LETM1: variants seen among roughly 807,000 people sequenced by gnomAD.
The protein encoded by LETM1 is mitochondrial proton/calcium exchanger protein.
LETM1 carries 50 observed loss-of-function variants against 74.5 expected under a neutral mutation model. The observed-to-expected ratio is 0.67, with a 90% CI of 0.53 to 0.85. The LOEUF (loss-of-function observed/expected upper bound fraction) is 0.85. Ranked by LOEUF, LETM1 falls within the 40% of genes least tolerant of loss-of-function variation. LETM1 has a pLI of 0.00. For missense variants in LETM1, 824 were observed against 967.8 expected (o/e 0.85, Z 1.97); for synonymous variants, 446 against 407.1 (o/e 1.10, Z -1.15).
intron 4 of LETM1, among the ~76,000 whole-genome samples, chr4:1,835,854 G>C (rs1320086733): frequency 1.3e-5 from 2 of 152,128 alleles, no homozygotes; most frequent in Non-Finnish European, 2.9e-5. Context: ...ATGGCAAGAG[G>C]ATTACTTGTG....
intron 1 of LETM1, among the ~76,000 whole-genome samples, chr4:1,855,421 A>G (rs538751498): frequency 6.6e-6 from 1 of 152,122 alleles, no homozygotes; most frequent in African/African-American, 2.4e-5. Context: ...GCATCACCTC[A>G]TCAGTGACGG....
chr4:1,845,557 T>TC (rs1482456592), intron 2 of LETM1, among the ~76,000 whole-genome samples: 1 of 151,278 alleles, frequency 6.6e-6, no homozygotes, highest in Non-Finnish European at 1.5e-5. Flanking sequence ...TTTCTTTTTT[T>TC]TTTTTTTCGA....
intron 10 of LETM1, among the ~76,000 whole-genome samples, chr4:1,820,816 G>A (rs1261717391): frequency 6.6e-6 from 1 of 152,208 alleles, no homozygotes; most frequent in African/African-American, 2.4e-5. Context: ...TTGAGGTCAG[G>A]AGTTCGAGAC....
chr4:1,828,229 AC>A (rs1712083520), intron 6 of LETM1, among the ~76,000 whole-genome samples: 1 of 71,146 alleles, frequency 1.4e-5, no homozygotes, highest in Non-Finnish European at 2.7e-5. Context: ...GGGGGGGCTG[AC>A]CGCCCCCCAC....
chr4:1,817,796 G>C (rs1711626354), intron 11 of LETM1, among the ~76,000 whole-genome samples: 1 of 152,050 alleles, frequency 6.6e-6, no homozygotes, highest in African/African-American at 2.4e-5. Context: ...TTTTGAGATA[G>C]GGTCTTGCTC....
At position 1,835,111 on chromosome 4, in the gene LETM1, G is replaced by T; in HGVS notation, c.739-129C>A. ...ACAACACACTGACTCTCATCTAAGT[G>T]CAATACATTCTCAAACTCTTTTATT... is the stretch of plus-strand genomic sequence containing the variant. On this transcript the variant is annotated intron_variant, in intron 4 of 13. Coordinates refer to ENST00000302787, the MANE Select transcript of LETM1 (RefSeq NM_012318.3). 4.7e-6 allele frequency: 4 copies of T among 842,972 alleles called. No homozygotes were observed. In the South Asian group the frequency reaches 5.2e-5, roughly 11 times the overall value. The allele number at this position is 842,972 out of a possible 1,614,324, so 52.2% of individuals were successfully genotyped here.
chr4:1,836,387 TCA>T lies in LETM1; in HGVS notation c.738+40_738+41del. On this transcript the variant is annotated intron_variant, in intron 4 of 13. Transcript: ENST00000302787. This position sits in a 1 kb window ranked among gnomAD's most constrained non-coding sequence, Gnocchi z 5.8. ...AACAAGGAAGCCATCACAATGAATTTCAGACTCATTCTAAAACAAGCAGTTGG... is the reference window on the plus strand; with the variant it reads ...AACAAGGAAGCCATCACAATGAATTTGACTCATTCTAAAACAAGCAGTTGG... The T allele has an allele frequency of 6.2e-7, 1 of 1,606,026 alleles. No homozygotes were observed. The highest frequency in any genetic ancestry group is 1.1e-5 in the South Asian group (1 of 90,876).
intron 7 of LETM1, among the ~76,000 whole-genome samples, chr4:1,824,555 C>T (rs1052357265): frequency 3.3e-5 from 5 of 152,208 alleles, no homozygotes; most frequent in Non-Finnish European, 5.9e-5. Flanking sequence ...AGAAAGGCAA[C>T]GCTGAGGAGA....
intron 2 of LETM1, among the ~76,000 whole-genome samples, chr4:1,848,643 G>A (rs1239294013): frequency 6.7e-6 from 1 of 148,652 alleles, no homozygotes; most frequent in Non-Finnish European, 1.5e-5. Flanking sequence ...TTGAACCTGG[G>A]AGGCGGAGGT....
intron 13 of LETM1, 115 bp from the exon 14 acceptor site, chr4:1,814,688 A>G: frequency 1.2e-6 from 1 of 827,570 alleles, no homozygotes; most frequent in South Asian, 1.5e-5. Flanking sequence ...CATGCACGCA[A>G]TCACTGCCTG....
In LETM1 at chr4:1,834,998, G is replaced by A. The variant is rs778135750; in HGVS notation, c.739-16C>T. 2.5e-6 allele frequency: 4 copies of A among 1,612,464 alleles called. No individual in the cohort carries two copies. The highest frequency in any genetic ancestry group is 3.4e-6 in the Non-Finnish European group (4 of 1,179,154). On this transcript the variant is annotated splice_polypyrimidine_tract_variant and intron_variant, in intron 4 of 13. Coordinates refer to ENST00000302787, the MANE Select transcript of LETM1 (RefSeq NM_012318.3). This position sits in a 1 kb window ranked among gnomAD's most constrained non-coding sequence, Gnocchi z 5.0. ...GCCTCTCCTCCTGCAAGGGCAGAGA[G>A]GGCACTGCATTCCAACTGCTCAGAC...
chr4:1,832,976 C>T (rs988964093), intron 5 of LETM1, 29 bp from the exon 6 acceptor site: 22 of 1,606,858 alleles, frequency 1.4e-5, no homozygotes, highest in African/African-American at 2.7e-5. Context: ...GGGTCATCCC[C>T]GGGACACGCG....
Position 1,814,273 on chromosome 4 carries a change from G to A in LETM1, c.*151C>T, listed in dbSNP as rs559907558. On this transcript the variant is annotated 3_prime_UTR_variant, in exon 14 of 14. Coordinates refer to ENST00000302787, the MANE Select transcript of LETM1 (RefSeq NM_012318.3). ...ACAGACTGAATCTCCGTGGAATGAT[G>A]AAAATTAAAATTTACTTGATTATGG... 6.4e-5 allele frequency: 79 copies of A among 1,241,260 alleles called. No homozygotes were observed. Among genetic ancestry groups the A allele is most frequent in the African/African-American group, 5.4e-4 (36 of 66,862 alleles). The allele number at this position is 1,241,260 out of a possible 1,614,324, so 76.9% of individuals were successfully genotyped here. A position where few individuals can be genotyped will look rare whatever the true frequency, so the allele number is the denominator to read the frequency against.
chr4:1,849,156 T>G lies in LETM1; in HGVS notation c.136A>C (p.Asn46His), dbSNP rs769325332. 6.2e-7 allele frequency: 1 copy of G among 1,612,006 alleles called. No individual in the cohort carries two copies. The highest frequency in any genetic ancestry group is 8.5e-7 in the Non-Finnish European group (1 of 1,177,998). ...LSCASTLGLRNCLNVPFGCCT... is the reference protein window; with the variant it reads ...LSCASTLGLRHCLNVPFGCCT... Reference sequence around the variant, plus strand: ...TGATACTGATTTACTCACAGGCAGTTCCTCAACCCCAGGGTGCTGGCACAG... The same window carrying G: ...TGATACTGATTTACTCACAGGCAGTGCCTCAACCCCAGGGTGCTGGCACAG... Residue 46 changes from asparagine to histidine, a missense_variant, in exon 2 of 14, where the codon AAC becomes CAC. Asn to His is a moderately conservative substitution (Grantham distance 68). Coordinates refer to ENST00000302787, the MANE Select transcript of LETM1 (RefSeq NM_012318.3).
Position 1,841,637 on chromosome 4 carries a change from A to C in LETM1, c.304T>G (p.Cys102Gly), listed in dbSNP as rs560933887. The change falls in exon 3 of 14, where the codon TGC (cysteine) becomes GGC (glycine). Residue 102 changes from cysteine to glycine, a missense_variant. Physicochemically the swap from Cys to Gly is radical, Grantham distance 159. This residue lies in a region of LETM1 where 222 missense variants were observed against 195.6 expected (regional missense o/e 1.14). Coordinates refer to ENST00000302787, the MANE Select transcript of LETM1 (RefSeq NM_012318.3). ...SVGFVAVGPQ[C>G]LPVRGWHSSR... ...GAGTGCCAGCCACGCACAGGAAGGC[A>C]CTGAGGTCCCACAGCCACAAAACCC... 1 of 1,614,180 alleles carries C rather than the reference A, an allele frequency of 6.2e-7. No individual in the cohort carries two copies. Among genetic ancestry groups the C allele is most frequent in the Admixed American group, 1.7e-5 (1 of 60,028 alleles).
In LETM1 at chr4:1,834,951, T is replaced by G; in HGVS notation, c.770A>C (p.Lys257Thr). The change falls in exon 5 of 14, where the codon AAG (lysine) becomes ACG (threonine). Residue 257 changes from lysine to threonine, a missense_variant. Transcript: ENST00000302787. The surrounding 1 kb of genome is among the most constrained non-coding windows in gnomAD (Gnocchi z 5.0). ...EERLKKELRV[K>T]LELAKFLQDT... ...CTGGAGGAACTTGGCCAGCTCCAGC[T>G]TGACCCGAAGCTCCTTCTTCAGCCT... The G allele has an allele frequency of 1.2e-6, 2 of 1,614,128 alleles. No individual in the cohort carries two copies. The highest frequency in any genetic ancestry group is 1.7e-6 in the Non-Finnish European group (2 of 1,180,010).
Position 1,834,938 on chromosome 4 carries a change from G to A in LETM1, c.783C>T (p.Ala261=), listed in dbSNP as rs145939138. 8.1e-6 allele frequency: 13 copies of A among 1,614,030 alleles called. No homozygotes were observed. The highest frequency in any genetic ancestry group is 1.1e-5 in the South Asian group (1 of 91,092). Residue 261 remains alanine, a synonymous_variant, in exon 5 of 14, where the codon GCC becomes GCT. Coordinates refer to ENST00000302787, the MANE Select transcript of LETM1 (RefSeq NM_012318.3). The surrounding 1 kb of genome is among the most constrained non-coding windows in gnomAD (Gnocchi z 5.0). ...CCTCGATGGTGTCCTGGAGGAACTT[G>A]GCCAGCTCCAGCTTGACCCGAAGCT... ...KKELRVKLEL[A]KFLQDTIEEM...
At chr4:1,815,870 C>G in intron 12 of LETM1, 68 bp from the exon 13 acceptor site, 6 of 1,581,202 alleles carry the variant, frequency 3.8e-6, no homozygotes, top group Non-Finnish European at 5.2e-6. Context: ...ACTGCCCACA[C>G]CTGTGGCTGC....
Position 1,814,479 on chromosome 4 carries a change from T to TC in LETM1, c.2164dup (p.Glu722GlyfsTer63). 6.2e-7 allele frequency: 1 copy of TC among 1,614,114 alleles called. No individual in the cohort carries two copies. Among genetic ancestry groups the TC allele is most frequent in the Non-Finnish European group, 8.5e-7 (1 of 1,179,956 alleles). ...TGCCTTCTCTTTGGCCTTCTCCTTC[T>TC]CCTCCACCTTCTCCTCTTTTTCCAG... On this transcript the variant is annotated frameshift_variant, in exon 14 of 14. Coordinates refer to ENST00000302787, the MANE Select transcript of LETM1 (RefSeq NM_012318.3). LOFTEE classifies it high-confidence loss of function.
Sources: gnomAD v4.1 joint callset for allele counts (sites outside exome capture counted in the v4.1 genomes callset) on GRCh38, gnomAD v4.1.1 for gene constraint, gnomAD v4.1.1 regional missense constraint, Gnocchi (gnomAD v3.1) non-coding constraint, MANE v1.5 for transcripts, NCBI Gene and HGNC (gene_info 2026-07-23, HGNC 2026-07-21) for gene names.